VWA3B: variants seen among roughly 807,000 people sequenced by gnomAD.
VWA3B encodes the protein von Willebrand factor A domain containing 3B.
In VWA3B, 138 loss-of-function variants were observed where a neutral mutation model predicts 158.3. That is an observed-to-expected ratio of 0.87 (90% confidence interval 0.76 to 1.00). The LOEUF (loss-of-function observed/expected upper bound fraction) is 1.00. Ranked by LOEUF, VWA3B falls within the 50% of genes least tolerant of loss-of-function variation. The probability of loss-of-function intolerance (pLI) is 0.00; values close to 1 mark genes in which losing one functional copy is unlikely to be tolerated. For missense variants in VWA3B, 1,555 were observed against 1,565.1 expected (o/e 0.99, Z 0.11); for synonymous variants, 596 against 587.3 (o/e 1.01, Z -0.21).
intron 19 of VWA3B, 171 bp downstream of exon 19, chr2:98,236,901 C>G: frequency 1.1e-6 from 1 of 945,112 alleles, no homozygotes; most frequent in Non-Finnish European, 1.5e-6. Flanking sequence ...AGAATTTGGG[C>G]GCGGTGGCGC....
chr2:98,306,409 G>A (rs898460061), intron 26 of VWA3B, among the ~76,000 whole-genome samples: 8 of 152,082 alleles, frequency 5.3e-5, no homozygotes, highest in Non-Finnish European at 1.0e-4. Context: ...GCTAGCAGAT[G>A]CCCAGCGATG....
intron 4 of VWA3B, 39 bp downstream of exon 4, chr2:98,119,802 C>A: frequency 6.2e-7 from 1 of 1,606,188 alleles, no homozygotes; most frequent in African/African-American, 1.3e-5. Context: ...AGTGAAAGTT[C>A]ATAGTAATTT....
chr2:98,218,022 T>C lies in VWA3B; in HGVS notation c.2013T>C (p.Ala671=), dbSNP rs1194635886. ...FGCKDPTPPE[A]VQNEDLTLLV... The stretch of plus-strand genomic sequence containing the variant: ...GCAAGGATCCCACTCCCCCAGAGGC[T>C]GTTCAGGTAAGAGCTTGGTGGGCTA... The change falls in exon 14 of 28, where the codon GCT becomes GCC. Residue 671 remains alanine, a synonymous_variant. Coordinates refer to ENST00000477737, the MANE Select transcript of VWA3B (RefSeq NM_144992.5). 4.4e-6 allele frequency: 7 copies of C among 1,606,262 alleles called. No homozygotes were observed. The highest frequency in any genetic ancestry group is 5.9e-6 in the Non-Finnish European group (7 of 1,176,808).
intron 2 of VWA3B, among the ~76,000 whole-genome samples, chr2:98,095,114 T>C (rs549093985): frequency 6.6e-6 from 1 of 152,320 alleles, no homozygotes; most frequent in East Asian, 1.9e-4. Flanking sequence ...CTGGCTTTCT[T>C]TGTGGTTCTA....
At chr2:98,190,339 G>T (rs1681473210) in intron 10 of VWA3B, among the ~76,000 whole-genome samples, 1 of 152,002 alleles carries the variant, frequency 6.6e-6, no homozygotes, top group African/African-American at 2.4e-5. Context: ...CCTTTCTATT[G>T]TTGTGCACTT....
chr2:98,256,169 A>G lies in VWA3B; in HGVS notation c.2838A>G (p.Lys946=). The change falls in exon 21 of 28, where the codon AAA becomes AAG. Residue 946 remains lysine (K), a synonymous_variant. Coordinates refer to ENST00000477737, the MANE Select transcript of VWA3B (RefSeq NM_144992.5). Reference sequence around the variant, plus strand: ...GGCGAGCATTATCTCAAGAGGAAAAAGAAAAGTAAGCCATTCCATTCCCTC... The same window carrying G: ...GGCGAGCATTATCTCAAGAGGAAAAGGAAAAGTAAGCCATTCCATTCCCTC... The part of the protein sequence containing the change: ...IVWRALSQEE[K]EKLDANKPIQ... 6.2e-7 allele frequency: 1 copy of G among 1,611,028 alleles called. No homozygotes were observed. The highest frequency in any genetic ancestry group is 1.4e-5 in the African/African-American group (1 of 73,948).
intron 5 of VWA3B, 79 bp from the exon 6 acceptor site, chr2:98,128,160 A>C (rs539489317): frequency 1.3e-6 from 2 of 1,506,410 alleles, no homozygotes; most frequent in Non-Finnish European, 1.8e-6. Flanking sequence ...ATCGTTTTGT[A>C]GAATGGGTAT....
chr2:98,184,658 C>G lies in VWA3B; in HGVS notation c.1312-3317C>G, dbSNP rs369586630. Among the ~76,000 whole-genome samples the G allele has an allele frequency of 3.5e-4, 54 of 152,386 alleles. No homozygotes were observed. In the East Asian group the frequency reaches 6.0e-3, roughly 17 times the overall value. ...CCCTCTGGGCGCATCATCAGCAAAC[C>G]CTGATTGCTTCCAGGCCTCTGAAAC... On this transcript the variant is annotated intron_variant, in intron 9 of 27. Transcript: ENST00000477737.
chr2:98,115,534 A>G (rs567982014), intron 2 of VWA3B, 118 bp from the exon 3 acceptor site: 5 of 749,594 alleles, frequency 6.7e-6, no homozygotes, highest in Non-Finnish European at 1.1e-5. Context: ...AAGCATCACA[A>G]ATTATTGATG....
In VWA3B at chr2:98,158,391, A is replaced by G. The variant is rs182031076; in HGVS notation, c.989-4460A>G. Among the ~76,000 whole-genome samples the G allele has an allele frequency of 8.5e-5, 13 of 152,244 alleles. No homozygotes were observed. In the East Asian group the frequency reaches 2.5e-3, roughly 29 times the overall value. ...GCCCACAACAGCTGGCAGGCTGGGGACATGTTGCTGAGTGCTGAGCTGTGT... is the reference window on the plus strand; with the variant it reads ...GCCCACAACAGCTGGCAGGCTGGGGGCATGTTGCTGAGTGCTGAGCTGTGT... On this transcript the variant is annotated intron_variant, in intron 7 of 27. Coordinates refer to ENST00000477737, the MANE Select transcript of VWA3B (RefSeq NM_144992.5).
At chr2:98,122,780 C>CCT (rs1675065996) in intron 5 of VWA3B, among the ~76,000 whole-genome samples, 1 of 152,184 alleles carries the variant, frequency 6.6e-6, no homozygotes, top group African/African-American at 2.4e-5. Flanking sequence ...CTGGTTCGTG[C>CCT]CTCTCCTTTC....
intron 7 of VWA3B, among the ~76,000 whole-genome samples, chr2:98,142,652 T>C (rs927719202): frequency 6.6e-6 from 1 of 152,218 alleles, no homozygotes; most frequent in African/African-American, 2.4e-5. Context: ...AAATGTGACC[T>C]TCTGTAAGTG....
At chr2:98,209,349 C>T (rs1487529981) in intron 12 of VWA3B, among the ~76,000 whole-genome samples, 1 of 151,920 alleles carries the variant, frequency 6.6e-6, no homozygotes, top group African/African-American at 2.4e-5. Context: ...GGCGCGATCT[C>T]GGCTCACTGC....
chr2:98,213,217 C>T (rs1308140701), intron 13 of VWA3B, among the ~76,000 whole-genome samples: 1 of 151,996 alleles, frequency 6.6e-6, no homozygotes, highest in Non-Finnish European at 1.5e-5. Context: ...AGGACAGGGG[C>T]AACGGAAGAA....
In VWA3B at chr2:98,312,043, T is replaced by TG. The variant is rs550251243; in HGVS notation, c.3735+19dup. ...CACCCCGAGCCCAGGGTTTGGGTGA[T>TG]GGGGGGGGAACACAACATCGCTTAT... On this transcript the variant is annotated intron_variant, in intron 27 of 27. Transcript: ENST00000477737. The TG allele has an allele frequency of 1.0e-3, 1,632 of 1,590,530 alleles. 1 individual carries two copies. Among genetic ancestry groups the TG allele is most frequent in the African/African-American group, 1.0e-3 (77 of 74,296 alleles).
intron 8 of VWA3B, among the ~76,000 whole-genome samples, chr2:98,170,900 C>T (rs559135496): frequency 7.9e-5 from 12 of 152,232 alleles, no homozygotes; most frequent in South Asian, 2.1e-4. Context: ...CCACCGTGCC[C>T]GACCAGAACA....
intron 7 of VWA3B, among the ~76,000 whole-genome samples, chr2:98,158,247 A>T (rs1455617816): frequency 2.0e-5 from 3 of 151,794 alleles, no homozygotes; most frequent in Non-Finnish European, 4.4e-5. Context: ...TGTGGAGGAT[A>T]CAAAGAAAGA....
At chr2:98,216,994 C>T in intron 13 of VWA3B, 2 of 1,226,314 alleles carry the variant, frequency 1.6e-6, no homozygotes, top group Non-Finnish European at 2.1e-6. Context: ...CCGCCCCGCA[C>T]CCAGTCTCAG....
chr2:98,194,296 G>C, intron 11 of VWA3B, 65 bp from the exon 12 acceptor site: 1 of 1,529,574 alleles, frequency 6.5e-7, no homozygotes, highest in Non-Finnish European at 8.9e-7. Flanking sequence ...ATCAAACTGT[G>C]GCCTACCCAA....
Sources: allele counts gnomAD v4.1 joint callset (sites outside exome capture counted in the v4.1 genomes callset), GRCh38; gene constraint gnomAD v4.1.1; transcripts MANE v1.5; gene names NCBI Gene and HGNC (gene_info 2026-07-23, HGNC 2026-07-21).